Variants in UTP6 observed in about 807,000 individuals in gnomAD.
UTP6 encodes the protein UTP6 small subunit processome component, also known as U3 small nucleolar RNA-associated protein 6 homolog.
In UTP6, 60 loss-of-function variants were observed where a neutral mutation model predicts 96.5. The observed-to-expected ratio is 0.62, with a 90% CI of 0.51 to 0.77. UTP6 has a LOEUF of 0.77. Ranked by LOEUF, UTP6 falls within the 30% of genes least tolerant of loss-of-function variation. The pLI is 0.00. For synonymous variants in UTP6, 215 were observed against 240.1 expected (o/e 0.90, Z 0.96); for missense variants, 637 against 706.5 (o/e 0.90, Z 1.12).
chr17:31,880,859 T>A, intron 10 of UTP6, 105 bp from the exon 11 acceptor site: 1 of 1,463,380 alleles, frequency 6.8e-7, no homozygotes, highest in Non-Finnish European at 9.4e-7. Flanking sequence ...GACATCCCTG[T>A]AACAACTGCA....
At chr17:31,895,100 A>G (rs1426418282) in intron 2 of UTP6, 89 bp from the exon 3 acceptor site, 12 of 969,168 alleles carry the variant, frequency 1.2e-5, no homozygotes, top group Non-Finnish European at 1.8e-5. Context: ...CATAAAACAA[A>G]AATCGAGAAT....
chr17:31,892,173 T>C, intron 6 of UTP6, 87 bp downstream of exon 6: 1 of 1,439,888 alleles, frequency 6.9e-7, no homozygotes, highest in East Asian at 2.3e-5. Flanking sequence ...TCAAAATAAT[T>C]TCTCTTAGAT....
At chr17:31,889,444 A>G in intron 6 of UTP6, 41 bp from the exon 7 acceptor site, 1 of 1,506,900 alleles carries the variant, frequency 6.6e-7, no homozygotes, top group East Asian at 2.3e-5. Context: ...CAATAAATTA[A>G]TCAAGTCAGA....
chr17:31,893,646 CT>C, intron 4 of UTP6, among the ~76,000 whole-genome samples: 1 of 148,654 alleles, frequency 6.7e-6, no homozygotes, highest in East Asian at 2.0e-4. Context: ...AGGAAAATTG[CT>C]TCAATCTGGG....
chr17:31,884,485 G>C lies in UTP6; in HGVS notation c.724C>G (p.Leu242Val). ...TCAAATAGCTGTGCAATCGAAAGCA[G>C]TGACACGTGAAATTCTGCACCTAAA... The part of the protein sequence containing the change: ...IIKGAEFHVS[L>V]LSIAQLFDFA... The change falls in exon 10 of 19, where the codon CTG (leucine) becomes GTG (valine). Residue 242 changes from leucine (L) to valine (V), a missense_variant. By Grantham distance (32) the Leu-to-Val change is conservative. Coordinates refer to ENST00000261708, the MANE Select transcript of UTP6 (RefSeq NM_018428.3). The C allele has an allele frequency of 6.2e-7, 1 of 1,612,000 alleles. No homozygotes were observed. The highest frequency in any genetic ancestry group is 8.5e-7 in the Non-Finnish European group (1 of 1,179,160).
chr17:31,886,948 A>T (rs1911180673), intron 8 of UTP6, among the ~76,000 whole-genome samples: 1 of 152,180 alleles, frequency 6.6e-6, no homozygotes, highest in East Asian at 1.9e-4. Context: ...CTATTTTTAT[A>T]GCATAAAGCT....
Position 31,884,515 on chromosome 17 carries a change from A to G in UTP6, c.704-10T>C, listed in dbSNP as rs755025905. Reference sequence around the variant, plus strand: ...ACGTGAAATTCTGCACCTAAATTTAAAAAGCAGGGGAGGGGAAGTTTATTG... The same window carrying G: ...ACGTGAAATTCTGCACCTAAATTTAGAAAGCAGGGGAGGGGAAGTTTATTG... On this transcript the variant is annotated splice_polypyrimidine_tract_variant and intron_variant, in intron 9 of 18. Coordinates refer to ENST00000261708, the MANE Select transcript of UTP6 (RefSeq NM_018428.3). 1 of 1,608,542 alleles carries G rather than the reference A, an allele frequency of 6.2e-7. No individual in the cohort carries two copies. Among genetic ancestry groups the G allele is most frequent in the Admixed American group, 1.7e-5 (1 of 59,242 alleles).
chr17:31,868,610 C>G (rs758475408), intron 16 of UTP6, among the ~76,000 whole-genome samples: 4 of 152,040 alleles, frequency 2.6e-5, no homozygotes, highest in Non-Finnish European at 5.9e-5. Context: ...GGATTACAGG[C>G]ATGCACCACC....
rs1053576466 is a variant in UTP6, at chr17:31,897,440, A to G, written c.177+2206T>C. On this transcript the variant is annotated intron_variant, in intron 2 of 18. Transcript: ENST00000261708. Reference sequence around the variant, plus strand: ...TTTTAAATCTAAGCTCAAAACTTCTAGTCTTTTTTTTTTTTTTTTTTTTTG... The same window carrying G: ...TTTTAAATCTAAGCTCAAAACTTCTGGTCTTTTTTTTTTTTTTTTTTTTTG... Among the ~76,000 whole-genome samples, 56 of 136,672 alleles carry G rather than the reference A, an allele frequency of 4.1e-4. 1 individual carries two copies. Among genetic ancestry groups the G allele is most frequent in the African/African-American group, 1.5e-3 (56 of 37,180 alleles). 89.7% of individuals were successfully genotyped at this position (136,672 alleles called of 152,430 possible). A position where few individuals can be genotyped will look rare whatever the true frequency, so the allele number is the denominator to read the frequency against.
intron 9 of UTP6, 22 bp from the exon 10 acceptor site, chr17:31,884,527 G>A (rs1416338020): frequency 6.3e-7 from 1 of 1,593,890 alleles, no homozygotes; most frequent in Non-Finnish European, 8.6e-7. Context: ...AAGCAGGGGA[G>A]GGGAAGTTTA....
At chr17:31,876,721 T>A (rs1430152510) in intron 13 of UTP6, among the ~76,000 whole-genome samples, 2 of 147,994 alleles carry the variant, frequency 1.4e-5, no homozygotes. Flanking sequence ...GGATGAAAAT[T>A]AACAAATAGG....
At chr17:31,896,385 C>T (rs79389425) in intron 2 of UTP6, among the ~76,000 whole-genome samples, 13,816 of 152,116 alleles carry the variant, frequency 0.091, 690 homozygotes, top group East Asian at 0.17. Context: ...GCCCCTACAC[C>T]TTGTTTTAAT....
At chr17:31,878,595 C>A in intron 12 of UTP6, 107 bp downstream of exon 12, 2 of 1,126,850 alleles carry the variant, frequency 1.8e-6, no homozygotes, top group Non-Finnish European at 1.3e-6. Flanking sequence ...AGTGGCTAAA[C>A]ATAAAAGTTC....
intron 2 of UTP6, among the ~76,000 whole-genome samples, chr17:31,897,124 A>C (rs555474796): frequency 4.4e-4 from 67 of 152,070 alleles, no homozygotes; most frequent in African/African-American, 1.6e-3. Flanking sequence ...CTATCTCTAC[A>C]AAAAATAAGA....
At position 31,863,256 on chromosome 17, in the gene UTP6, C is replaced by T; in HGVS notation, c.*103G>A. 8.3e-7 allele frequency: 1 copy of T among 1,202,186 alleles called. No individual in the cohort carries two copies. Among genetic ancestry groups the T allele is most frequent in the South Asian group, 1.5e-5 (1 of 67,564 alleles). The allele number at this position is 1,202,186 out of a possible 1,614,324, so 74.5% of individuals were successfully genotyped here. On this transcript the variant is annotated 3_prime_UTR_variant, in exon 19 of 19. Transcript: ENST00000261708. Reference sequence around the variant, plus strand: ...GTGTGTCTCAAAACCAGACAGCCATCTTGTCTGCCATCACTGAGCAAATTA... The same window carrying T: ...GTGTGTCTCAAAACCAGACAGCCATTTTGTCTGCCATCACTGAGCAAATTA...
Position 31,894,648 on chromosome 17 carries a change from C to T in UTP6, c.309G>A (p.Trp103Ter). ...TAAGGATGCCTTGATCACTCACTTT[C>T]CATTTTGCTGAGGCACGCTGGAAAA... Reference protein sequence around the residue: ...QGVFQRASAKWKDDVQLWLSY... With the variant: ...QGVFQRASAK Residue 103 changes from tryptophan to a stop codon, truncating the protein, a stop_gained, in exon 4 of 19, where the codon TGG (tryptophan) becomes TGA (stop). Transcript: ENST00000261708. LOFTEE classifies it high-confidence loss of function. 6.2e-7 allele frequency: 1 copy of T among 1,604,950 alleles called. No individual in the cohort carries two copies. Among genetic ancestry groups the T allele is most frequent in the Non-Finnish European group, 8.5e-7 (1 of 1,174,196 alleles).
intron 11 of UTP6, among the ~76,000 whole-genome samples, chr17:31,879,407 T>C (rs11658469): frequency 0.87 from 131,630 of 151,928 alleles, 57,145 homozygotes; most frequent in African/African-American, 0.92. Context: ...TAATTAAGGA[T>C]GTCGGTAATC....
intron 16 of UTP6, among the ~76,000 whole-genome samples, chr17:31,869,316 A>C (rs1213603921): frequency 6.6e-6 from 1 of 151,784 alleles, no homozygotes; most frequent in Non-Finnish European, 1.5e-5. Context: ...CCATAGGTGC[A>C]AACTGCATCT....
Position 31,894,990 on chromosome 17 carries a change from G to A in UTP6, c.199C>T (p.Leu67=), listed in dbSNP as rs1490977901. ...CTTACTGTTCTTCTTCTCTGGATCAGCTCCAAAAGATTAATTTCATACTAT... is the reference window on the plus strand; with the variant it reads ...CTTACTGTTCTTCTTCTCTGGATCAACTCCAAAAGATTAATTTCATACTAT... ...YVQYEINLLE[L]IQRRRTRIGY... is the part of the protein sequence containing the mutation. The change falls in exon 3 of 19, where the codon CTG becomes TTG. Residue 67 remains leucine (L), a synonymous_variant. Coordinates refer to ENST00000261708, the MANE Select transcript of UTP6 (RefSeq NM_018428.3). The A allele has an allele frequency of 1.3e-6, 2 of 1,545,170 alleles. No homozygotes were observed. Among genetic ancestry groups the A allele is most frequent in the Admixed American group, 2.2e-5 (1 of 46,306 alleles).
Sources: gnomAD v4.1 joint callset for allele counts (sites outside exome capture counted in the v4.1 genomes callset) on GRCh38, gnomAD v4.1.1 for gene constraint, MANE v1.5 for transcripts, NCBI Gene and HGNC (gene_info 2026-07-23, HGNC 2026-07-21) for gene names.